The following SIAE variants were observed in gnomAD, a reference collection of about 807,000 sequenced individuals.
The protein encoded by SIAE is sialate O-acetylesterase.
In SIAE, 39 loss-of-function variants were observed where a neutral mutation model predicts 52.6. The observed-to-expected ratio is 0.74, with a 90% CI of 0.57 to 0.97. The LOEUF (loss-of-function observed/expected upper bound fraction) is 0.97, where lower values mean the gene tolerates loss of function less well. Among genes scored for constraint, SIAE ranks in the 50% least tolerant of loss-of-function variants. SIAE has a pLI of 0.00. For synonymous variants in SIAE, 233 were observed against 241.4 expected, an observed-to-expected ratio of 0.97 and a Z score of 0.32; for missense variants, 592 against 662.1, an observed-to-expected ratio of 0.89 and a Z score of 1.16.
At chr11:124,642,667 T>TA in intron 7 of SIAE, among the ~76,000 whole-genome samples, 1 of 152,196 alleles carries the variant, frequency 6.6e-6, no homozygotes, top group Non-Finnish European at 1.5e-5. Context: ...AACTCGTAAT[T>TA]TGATTCTAAC....
In SIAE at chr11:124,636,551, T is replaced by C. The variant is rs1055865763; in HGVS notation, c.*400A>G. On this transcript the variant is annotated 3_prime_UTR_variant, in exon 10 of 10. Coordinates refer to ENST00000263593, the MANE Select transcript of SIAE (RefSeq NM_170601.5). ...CTGGTTAGTACTTGGATGGGAGAAA[T>C]TTTATAAAGAACACATGAACACTAG... 10 of 279,014 alleles carry C rather than the reference T, an allele frequency of 3.6e-5. No homozygotes were observed. The highest frequency in any genetic ancestry group is 1.4e-4 in the Admixed American group (3 of 21,024). The allele number at this position is 279,014 out of a possible 1,614,324, so 17.3% of individuals were successfully genotyped here. A position where few individuals can be genotyped will look rare whatever the true frequency, so the allele number is the denominator to read the frequency against.
chr11:124,673,615 G>A, intron 1 of SIAE, 27 bp downstream of exon 1: 1 of 1,609,922 alleles, frequency 6.2e-7, no homozygotes, highest in South Asian at 1.1e-5. Flanking sequence ...TGAGGGGCAG[G>A]GGTCCGGCCG....
chr11:124,648,183 C>G lies in SIAE; in HGVS notation c.723-8G>C. 1.2e-6 allele frequency: 2 copies of G among 1,604,152 alleles called. No homozygotes were observed. Among genetic ancestry groups the G allele is most frequent in the Non-Finnish European group, 1.7e-6 (2 of 1,171,056 alleles). ...GAATCGTATGGAATGGACCTGAAAT[C>G]ATATGATGCACAAGTGTCACCAGAG... On this transcript the variant is annotated splice_region_variant and splice_polypyrimidine_tract_variant and intron_variant, in intron 5 of 9. Coordinates refer to ENST00000263593, the MANE Select transcript of SIAE (RefSeq NM_170601.5).
chr11:124,636,895 A>G lies in SIAE; in HGVS notation c.*56T>C. On this transcript the variant is annotated 3_prime_UTR_variant, in exon 10 of 10. Coordinates refer to ENST00000263593, the MANE Select transcript of SIAE (RefSeq NM_170601.5). ...CAATGGTTATTATTGAAACTCCTAA[A>G]TGCTAAAATCTGAAGGACCCATCCT... 3.1e-6 allele frequency: 5 copies of G among 1,612,180 alleles called. No homozygotes were observed. The highest frequency in any genetic ancestry group is 3.4e-6 in the Non-Finnish European group (4 of 1,178,984).
chr11:124,675,458 C>CT, upstream of SIAE: 2 of 1,597,184 alleles, frequency 1.3e-6, no homozygotes, highest in Non-Finnish European at 1.7e-6. Context: ...AAATAAGAAA[C>CT]TAAGCATTTG....
At chr11:124,675,090 G>T, upstream of SIAE, 2 of 698,732 alleles carry the variant, frequency 2.9e-6, no homozygotes, top group Non-Finnish European at 4.5e-6. Flanking sequence ...AAAACTCTTT[G>T]GAAGAAATGG....
rs760320259 is a variant in SIAE, at chr11:124,654,743, G to A, written c.456C>T (p.Val152=). Residue 152 remains valine, a synonymous_variant, in exon 4 of 10, where the codon GTC becomes GTT. Transcript: ENST00000263593. ...GAATGGGAGAGACAGAGAGGATGCG[G>A]ACAGACTGATATGCCGCAGTGTTAG... The part of the protein sequence containing the change: ...ELSNTAAYQS[V]RILSVSPIQA... 8.7e-6 allele frequency: 14 copies of A among 1,614,124 alleles called. 1 individual carries two copies. In the South Asian group the frequency reaches 1.5e-4, roughly 18 times the overall value.
rs1352750681 is a variant in SIAE, at chr11:124,638,698, C to T, written c.1164G>A (p.Leu388=). The T allele has an allele frequency of 6.2e-7, 1 of 1,614,148 alleles. No homozygotes were observed. The highest frequency in any genetic ancestry group is 1.1e-5 in the South Asian group (1 of 91,076). ...PRDKQTVAYR[L]HLGARALAYG... Reference sequence around the variant, plus strand: ...AAGCCAGAGCACGGGCCCCCAAATGCAGCCGATAAGCCACAGTCTGTTTAT... The same window carrying T: ...AAGCCAGAGCACGGGCCCCCAAATGTAGCCGATAAGCCACAGTCTGTTTAT... Residue 388 remains leucine (L), a synonymous_variant, in exon 9 of 10, where the codon CTG becomes CTA. Coordinates refer to ENST00000263593, the MANE Select transcript of SIAE (RefSeq NM_170601.5).
In SIAE at chr11:124,639,728, C is replaced by CT. The variant is rs773546023; in HGVS notation, c.1105dup (p.Arg369LysfsTer13). 19 of 1,614,012 alleles carry CT rather than the reference C, an allele frequency of 1.2e-5. No homozygotes were observed. The highest frequency in any genetic ancestry group is 1.7e-5 in the Admixed American group (1 of 60,004). On this transcript the variant is annotated frameshift_variant, in exon 8 of 10. Coordinates refer to ENST00000263593, the MANE Select transcript of SIAE (RefSeq NM_170601.5). LOFTEE classifies it high-confidence loss of function. ...ATCATACCTGCCAAAAGGCGAGTCT[C>CT]TATCACAGAGATCCATAGCTACAGC...
rs925483299 is a variant in SIAE, at chr11:124,669,285, A to G, written c.229+75T>C. ...ACGGATGGATAATGTGAGCTACAGC[A>G]TTAGCATTCATTTTCAGATAATCCA... On this transcript the variant is annotated intron_variant, in intron 2 of 9. Coordinates refer to ENST00000263593, the MANE Select transcript of SIAE (RefSeq NM_170601.5). 6 of 1,543,296 alleles carry G rather than the reference A, an allele frequency of 3.9e-6. No individual in the cohort carries two copies. In the Admixed American group the frequency reaches 1.0e-4, roughly 26 times the overall value.
intron 3 of SIAE, among the ~76,000 whole-genome samples, chr11:124,655,722 C>T (rs770435796): frequency 6.6e-6 from 1 of 152,138 alleles, no homozygotes; most frequent in African/African-American, 2.4e-5. Context: ...CCCCCCCACA[C>T]CAAACCCCAG....
intron 5 of SIAE, among the ~76,000 whole-genome samples, chr11:124,649,021 G>A (rs936562235): frequency 6.6e-6 from 1 of 152,136 alleles, no homozygotes; most frequent in Non-Finnish European, 1.5e-5. Flanking sequence ...GTATTCACTA[G>A]CCCTTTCCCT....
At chr11:124,668,533 A>C (rs1943302898) in intron 2 of SIAE, among the ~76,000 whole-genome samples, 1 of 152,238 alleles carries the variant, frequency 6.6e-6, no homozygotes, top group Non-Finnish European at 1.5e-5. Flanking sequence ...TACAATCATG[A>C]CTGCTAAAAC....
chr11:124,647,222 C>G, intron 7 of SIAE, 143 bp downstream of exon 7: 4 of 1,113,008 alleles, frequency 3.6e-6, no homozygotes, highest in Non-Finnish European at 4.0e-6. Flanking sequence ...TCTTGACCAG[C>G]ACATTATGAG....
At chr11:124,640,016 C>A in intron 7 of SIAE, 149 bp from the exon 8 acceptor site, 1 of 988,204 alleles carries the variant, frequency 1.0e-6, no homozygotes. Context: ...GTGGCAGTGT[C>A]TCTCCAAAGA....
chr11:124,669,499 T>C lies in SIAE; in HGVS notation c.90A>G (p.Ser30=), dbSNP rs1211591338. 1.2e-6 allele frequency: 2 copies of C among 1,613,942 alleles called. No individual in the cohort carries two copies. Among genetic ancestry groups the C allele is most frequent in the Non-Finnish European group, 1.7e-6 (2 of 1,180,038 alleles). ...GCAGCACCATATCATTATTGATGTATGAAGCAAAGCGAAAACCAATACCTA... is the reference window on the plus strand; with the variant it reads ...GCAGCACCATATCATTATTGATGTACGAAGCAAAGCGAAAACCAATACCTA... The part of the protein sequence containing the change: ...RSAGIGFRFA[S]YINNDMVLQK... Residue 30 remains serine (S), a synonymous_variant, in exon 2 of 10, where the codon TCA becomes TCG. Transcript: ENST00000263593.
intron 7 of SIAE, among the ~76,000 whole-genome samples, chr11:124,644,351 G>GAAAAAAAAAA (rs766691334): frequency 2.3e-4 from 23 of 98,974 alleles, no homozygotes; most frequent in African/African-American, 7.6e-4. Context: ...AGTCTGTGGT[G>GAAAAAAAAAA]AGAAAAAAAA....
intron 3 of SIAE, chr11:124,660,387 G>A: frequency 1.8e-6 from 1 of 551,748 alleles, no homozygotes; most frequent in Non-Finnish European, 3.4e-6. Context: ...CTCCTTCTAA[G>A]TTCTTAACCT....
chr11:124,657,330 T>C (rs899573358), intron 3 of SIAE, among the ~76,000 whole-genome samples: 1 of 152,214 alleles, frequency 6.6e-6, no homozygotes, highest in African/African-American at 2.4e-5. Flanking sequence ...CAGCAGCAAG[T>C]ACCTGTAAAA....
Sources: allele counts gnomAD v4.1 joint callset (sites outside exome capture counted in the v4.1 genomes callset), GRCh38; gene constraint gnomAD v4.1.1; transcripts MANE v1.5; gene names NCBI Gene and HGNC (gene_info 2026-07-23, HGNC 2026-07-21).